Variants in TFEC observed in about 807,000 individuals in gnomAD.
TFEC encodes the protein transcription factor EC.
TFEC carries 31 observed loss-of-function variants against 41.6 expected under a neutral mutation model. That is an observed-to-expected ratio of 0.74 (90% CI 0.56 to 1.01). TFEC has a LOEUF of 1.01. Ranked by LOEUF, TFEC falls within the 50% of genes least tolerant of loss-of-function variation. The probability of loss-of-function intolerance (pLI) is 0.00; values close to 1 mark genes in which losing one functional copy is unlikely to be tolerated. For missense variants in TFEC, 402 were observed against 404.1 expected (o/e 0.99, Z 0.04); for synonymous variants, 143 against 140.6 (o/e 1.02, Z -0.12).
chr7:115,985,094 A>T (rs1039403357), intron 1 of TFEC, among the ~76,000 whole-genome samples: 3 of 151,822 alleles, frequency 2.0e-5, no homozygotes, highest in Admixed American at 2.0e-4. Context: ...TATTTTTTTA[A>T]TCTTATTTTT....
chr7:116,029,476 A>G (rs1436860462), intron 1 of TFEC, among the ~76,000 whole-genome samples: 1 of 152,194 alleles, frequency 6.6e-6, no homozygotes, highest in Non-Finnish European at 1.5e-5. Flanking sequence ...CTTTCTGAAT[A>G]CGAAAGAATC....
chr7:116,062,560 C>CATATATAT (rs57742551), intron 3 of TFEC, among the ~76,000 whole-genome samples: 1,662 of 101,092 alleles, frequency 0.016, 32 homozygotes, highest in Non-Finnish European at 0.019. Flanking sequence ...GAGTAGTACT[C>CATATATAT]ATATATATAT....
chr7:116,156,356 T>C (rs546649646), intron 1 of TFEC, among the ~76,000 whole-genome samples: 2 of 152,318 alleles, frequency 1.3e-5, no homozygotes, highest in South Asian at 4.1e-4. Flanking sequence ...ATATCATGGG[T>C]GTCAAATAGA....
intron 3 of TFEC, among the ~76,000 whole-genome samples, chr7:116,061,148 G>GT (rs1254239600): frequency 6.6e-6 from 1 of 152,066 alleles, no homozygotes; most frequent in Non-Finnish European, 1.5e-5. Flanking sequence ...TGGAAAAGAT[G>GT]TAAATAGCCA....
intron 3 of TFEC, among the ~76,000 whole-genome samples, chr7:116,088,921 C>A (rs962843960): frequency 4.3e-4 from 66 of 152,002 alleles, no homozygotes; most frequent in African/African-American, 1.6e-3. Flanking sequence ...AGTACAAGGA[C>A]TATGGACACA....
At chr7:116,116,576 G>A (rs1011007148) in intron 1 of TFEC, among the ~76,000 whole-genome samples, 2 of 151,934 alleles carry the variant, frequency 1.3e-5, no homozygotes, top group Admixed American at 6.6e-5. Flanking sequence ...TCAACAATGA[G>A]AGGAATATTA....
Position 115,940,621 on chromosome 7 carries a change from G to A in TFEC, c.974C>T (p.Thr325Ile), listed in dbSNP as rs1005919071. 1.9e-6 allele frequency: 3 copies of A among 1,613,508 alleles called. No individual in the cohort carries two copies. Among genetic ancestry groups the A allele is most frequent in the East Asian group, 4.5e-5 (2 of 44,856 alleles). ...GCTTTCTTTGGAAACTGCAGGGGAA[G>A]TGGCAGATAGCAGAGGATCTGTTCC... ...PFGTDPLLSA[T>I]SPAVSKESSR... is the part of the protein sequence containing the mutation. Residue 325 changes from threonine to isoleucine, a missense_variant, in exon 8 of 8, where the codon ACT becomes ATT. By Grantham distance (89) the Thr-to-Ile change is moderately conservative. Transcript: ENST00000265440.
chr7:116,010,577 C>T (rs1369563706), intron 1 of TFEC, among the ~76,000 whole-genome samples: 1 of 152,100 alleles, frequency 6.6e-6, no homozygotes, highest in Non-Finnish European at 1.5e-5. Context: ...ATGTCTGGAA[C>T]TTGGAAGTGA....
At chr7:116,039,212 T>C (rs1795976677) in intron 3 of TFEC, among the ~76,000 whole-genome samples, 1 of 152,132 alleles carries the variant, frequency 6.6e-6, no homozygotes, top group Non-Finnish European at 1.5e-5. Flanking sequence ...AAAGTTAGTT[T>C]TTCTATAATG....
rs78273013 is a variant in TFEC, at chr7:116,106,872, A to G, written c.198+3836T>C. ...GTGTCTGTTTACATATCACTTTTGCAGAGTCTGAAGTCTGTTCAACACACG... is the reference window on the plus strand; with the variant it reads ...GTGTCTGTTTACATATCACTTTTGCGGAGTCTGAAGTCTGTTCAACACACG... On this transcript the variant is annotated intron_variant, in intron 3 of 8. Coordinates refer to the TFEC transcript ENST00000484212. Among the ~76,000 whole-genome samples, 60 of 152,342 alleles carry G rather than the reference A, an allele frequency of 3.9e-4. 1 individual carries two copies. The East Asian group carries it at 9.8e-3, about 25-fold the overall frequency.
chr7:116,053,195 G>T (rs1025080424), intron 3 of TFEC, among the ~76,000 whole-genome samples: 6 of 152,216 alleles, frequency 3.9e-5, no homozygotes, highest in Non-Finnish European at 8.8e-5. Flanking sequence ...TGAGAAAAGA[G>T]AAACTGTGAA....
intron 3 of TFEC, among the ~76,000 whole-genome samples, chr7:116,044,070 T>C (rs1274335553): frequency 6.6e-6 from 1 of 152,178 alleles, no homozygotes; most frequent in African/African-American, 2.4e-5. Flanking sequence ...AATTATAGCA[T>C]CTACATGTAT....
At chr7:116,040,144 GGGAAAAACATAGGAAAATAAACATA>G (rs2130919456) in intron 3 of TFEC, among the ~76,000 whole-genome samples, 1 of 152,004 alleles carries the variant, frequency 6.6e-6, no homozygotes, top group South Asian at 2.1e-4. Flanking sequence ...TCCATTATGT[GGGAAAAACATAGGAAAATAAACATA>G]GGAAAAACAA....
chr7:115,947,322 C>A (rs369206741), intron 6 of TFEC, among the ~76,000 whole-genome samples: 16 of 151,522 alleles, frequency 1.1e-4, no homozygotes, highest in East Asian at 3.9e-4. Context: ...TCTATCATTG[C>A]TGGACATTTG....
chr7:116,110,186 T>G (rs1797820886), intron 3 of TFEC, among the ~76,000 whole-genome samples: 1 of 152,186 alleles, frequency 6.6e-6, no homozygotes, highest in South Asian at 2.1e-4. Flanking sequence ...GTAACAAACC[T>G]GCACATTGTG....
chr7:116,038,870 T>G (rs1312424098), intron 3 of TFEC, among the ~76,000 whole-genome samples: 4 of 152,068 alleles, frequency 2.6e-5, no homozygotes, highest in Non-Finnish European at 5.9e-5. Flanking sequence ...CAAAGTAGAT[T>G]AGTGGGGAAG....
intron 1 of TFEC, among the ~76,000 whole-genome samples, chr7:116,003,277 G>T (rs1794668575): frequency 6.6e-6 from 1 of 151,840 alleles, no homozygotes; most frequent in East Asian, 1.9e-4. Context: ...ATAATTAAAA[G>T]TAAGTGGATG....
At chr7:116,035,596 T>C (rs2130906472), upstream of TFEC, among the ~76,000 whole-genome samples, 1 of 152,012 alleles carries the variant, frequency 6.6e-6, no homozygotes, top group East Asian at 1.9e-4. Flanking sequence ...ATTTTGAAAA[T>C]TAAAAAAGTA....
At chr7:116,056,877 C>T (rs1168760331) in intron 3 of TFEC, among the ~76,000 whole-genome samples, 1 of 151,840 alleles carries the variant, frequency 6.6e-6, no homozygotes, top group East Asian at 1.9e-4. Flanking sequence ...TCAAAACTGA[C>T]ACAGATATTA....
Sources: allele counts gnomAD v4.1 joint callset (sites outside exome capture counted in the v4.1 genomes callset), GRCh38; gene constraint gnomAD v4.1.1; transcripts MANE v1.5; gene names NCBI Gene and HGNC (gene_info 2026-07-23, HGNC 2026-07-21).